SPOCK1: variants seen among roughly 807,000 people sequenced by gnomAD.
SPOCK1 encodes SPARC (osteonectin), cwcv and kazal like domains proteoglycan 1, also known as testican-1.
A neutral mutation model predicts 55.3 loss-of-function variants in SPOCK1; 23 were observed. That is an observed-to-expected ratio of 0.42 (90% CI 0.30 to 0.59). SPOCK1 has a LOEUF of 0.59. Among genes scored for constraint, SPOCK1 ranks in the 20% least tolerant of loss-of-function variants. SPOCK1 has a pLI of 0.22. For synonymous variants in SPOCK1, 226 were observed against 221.0 expected, an observed-to-expected ratio of 1.02 and a Z score of -0.20; for missense variants, 499 against 552.5, an observed-to-expected ratio of 0.90 and a Z score of 0.97.
intron 2 of SPOCK1, among the ~76,000 whole-genome samples, chr5:137,282,852 C>A (rs1412728744): frequency 1.3e-5 from 2 of 152,344 alleles, no homozygotes; most frequent in East Asian, 3.9e-4. Flanking sequence ...TCTAGCTCCT[C>A]TCTGAAGTGG....
At chr5:137,093,473 G>A (rs1466203541) in intron 5 of SPOCK1, among the ~76,000 whole-genome samples, 3 of 152,186 alleles carry the variant, frequency 2.0e-5, no homozygotes, top group African/African-American at 7.2e-5. Flanking sequence ...TAGAAATTCA[G>A]ACGGAAATAA....
intron 2 of SPOCK1, among the ~76,000 whole-genome samples, chr5:137,348,390 C>A (rs952098019): frequency 1.4e-5 from 2 of 147,528 alleles, no homozygotes; most frequent in African/African-American, 2.5e-5. Flanking sequence ...AAGTGCATGA[C>A]CAAAATGGAA....
chr5:137,356,873 A>AGAGAGAGAGAGT (rs796667572), intron 2 of SPOCK1, among the ~76,000 whole-genome samples: 1,559 of 69,450 alleles, frequency 0.022, 192 homozygotes, highest in East Asian at 0.026. Context: ...AGAGAGAGAG[A>AGAGAGAGAGAGT]GAGTATGCAG....
chr5:137,407,990 T>G (rs974370845), intron 2 of SPOCK1, among the ~76,000 whole-genome samples: 1 of 147,440 alleles, frequency 6.8e-6, no homozygotes, highest in African/African-American at 2.5e-5. Context: ...AAGGGCCTCC[T>G]TGCAGCCCCT....
At chr5:137,421,512 T>C (rs1025087400) in intron 2 of SPOCK1, among the ~76,000 whole-genome samples, 2 of 152,250 alleles carry the variant, frequency 1.3e-5, no homozygotes, top group Non-Finnish European at 2.9e-5. Context: ...TTATGGTAGT[T>C]AGCTCTTCTT....
Position 136,978,075 on chromosome 5 carries a change from G to C in SPOCK1, c.*579C>G. ...AAATGAATTCCCCAAAGGGAGTCTT[G>C]ACTGAATTAAGGCTGTTGTTTATAG... On this transcript the variant is annotated 3_prime_UTR_variant, in exon 11 of 11. Coordinates refer to ENST00000394945, the MANE Select transcript of SPOCK1 (RefSeq NM_004598.4). 1 of 397,642 alleles carries C rather than the reference G, an allele frequency of 2.5e-6. No individual in the cohort carries two copies. The highest frequency in any genetic ancestry group is 4.4e-6 in the Non-Finnish European group (1 of 225,762). 24.6% of individuals were successfully genotyped at this position (397,642 alleles called of 1,614,324 possible).
chr5:137,241,852 A>G (rs950657197), intron 3 of SPOCK1, among the ~76,000 whole-genome samples: 1 of 152,218 alleles, frequency 6.6e-6, no homozygotes, highest in Non-Finnish European at 1.5e-5. Flanking sequence ...TGGAATGGGG[A>G]CAATTTCCCA....
chr5:136,983,272 G>GAACCAAGACTTC (rs1239479938), intron 9 of SPOCK1, among the ~76,000 whole-genome samples: 1 of 151,844 alleles, frequency 6.6e-6, no homozygotes, highest in African/African-American at 2.4e-5. Flanking sequence ...CTCCTATTTT[G>GAACCAAGACTTC]AACCAAGACT....
intron 5 of SPOCK1, among the ~76,000 whole-genome samples, chr5:137,095,488 T>C (rs1753130370): frequency 6.6e-6 from 1 of 152,240 alleles, no homozygotes; most frequent in African/African-American, 2.4e-5. Context: ...TGTGTTATCT[T>C]AGGCAAGGAA....
chr5:137,296,929 T>G (rs1222266699), intron 2 of SPOCK1, among the ~76,000 whole-genome samples: 1 of 152,208 alleles, frequency 6.6e-6, no homozygotes, highest in African/African-American at 2.4e-5. Context: ...CCCAATGAAC[T>G]GCAATGTACT....
At chr5:137,013,051 G>C (rs1270564339) in intron 6 of SPOCK1, among the ~76,000 whole-genome samples, 1 of 152,166 alleles carries the variant, frequency 6.6e-6, no homozygotes, top group Non-Finnish European at 1.5e-5. Flanking sequence ...GAGTGAGTTG[G>C]AGGGAGAAAG....
intron 2 of SPOCK1, among the ~76,000 whole-genome samples, chr5:137,344,265 T>C (rs980498270): frequency 2.0e-5 from 3 of 152,224 alleles, no homozygotes; most frequent in Non-Finnish European, 4.4e-5. Flanking sequence ...TTAATTAAAG[T>C]CCATCCTGTA....
At chr5:137,342,282 C>A (rs1268637344) in intron 2 of SPOCK1, among the ~76,000 whole-genome samples, 1 of 151,958 alleles carries the variant, frequency 6.6e-6, no homozygotes, top group Non-Finnish European at 1.5e-5. Flanking sequence ...TCCTTCAGAA[C>A]AAGAATCTCT....
In SPOCK1 at chr5:137,303,428, C is replaced by A. The variant is rs571474087; in HGVS notation, c.187-36373G>T. ...GTGATAAGTCTCTGTAGCCTTAACT[C>A]AGAGCTCAGTGAAGATAAGTAATCT... On this transcript the variant is annotated intron_variant, in intron 2 of 10. Transcript: ENST00000394945. Among the ~76,000 whole-genome samples the A allele has an allele frequency of 4.6e-5, 7 of 152,130 alleles. No individual in the cohort carries two copies. The East Asian group carries it at 1.2e-3, about 25-fold the overall frequency.
chr5:137,145,923 A>C (rs1244912131), intron 3 of SPOCK1, among the ~76,000 whole-genome samples: 2 of 152,156 alleles, frequency 1.3e-5, no homozygotes, highest in Non-Finnish European at 2.9e-5. Flanking sequence ...CAGTTGGAGC[A>C]AGCCGGTGAG....
chr5:137,404,384 A>T (rs1333282986), intron 2 of SPOCK1, among the ~76,000 whole-genome samples: 1 of 150,038 alleles, frequency 6.7e-6, no homozygotes, highest in African/African-American at 2.5e-5. Context: ...TCTATTTTTT[A>T]AATGTTAACA....
chr5:137,208,204 A>C (rs2127080070), intron 3 of SPOCK1, among the ~76,000 whole-genome samples: 1 of 152,294 alleles, frequency 6.6e-6, no homozygotes, highest in South Asian at 2.1e-4. Flanking sequence ...AAAAACAAAA[A>C]AAGGCTGGCA....
intron 8 of SPOCK1, among the ~76,000 whole-genome samples, chr5:136,985,625 G>A (rs980724260): frequency 6.6e-6 from 1 of 152,082 alleles, no homozygotes; most frequent in African/African-American, 2.4e-5. Context: ...TGTAGGAAAG[G>A]ATGGATAGGA....
At chr5:137,072,968 A>C (rs1317283457) in intron 5 of SPOCK1, among the ~76,000 whole-genome samples, 1 of 152,190 alleles carries the variant, frequency 6.6e-6, no homozygotes. Context: ...TGCTGACTGC[A>C]CCAGTCAGAT....
Sources: gnomAD v4.1 joint callset for allele counts (sites outside exome capture counted in the v4.1 genomes callset) on GRCh38, gnomAD v4.1.1 for gene constraint, MANE v1.5 for transcripts, NCBI Gene and HGNC (gene_info 2026-07-23, HGNC 2026-07-21) for gene names.